The following PARD3B variants were observed in gnomAD, a reference collection of about 807,000 sequenced individuals.
PARD3B encodes partitioning defective 3 homolog B.
PARD3B carries 103 observed loss-of-function variants against 130.2 expected under a neutral mutation model. The ratio of observed to expected loss-of-function variants is 0.79; its 90% CI spans 0.67 to 0.93. PARD3B has a LOEUF of 0.93. PARD3B is among the 40% of genes least tolerant of loss of function. The pLI, the probability that PARD3B is intolerant of heterozygous loss-of-function variation, is 0.00. For missense variants in PARD3B, 1,609 were observed against 1,499.2 expected, an observed-to-expected ratio of 1.07 and a Z score of -1.21; for synonymous variants, 583 against 553.2, an observed-to-expected ratio of 1.05 and a Z score of -0.76.
Position 205,015,939 on chromosome 2 carries a change from A to G in PARD3B, c.395-31642A>G, listed in dbSNP as rs1575561138. Among the ~76,000 whole-genome samples, 1 of 152,056 alleles carries G rather than the reference A, an allele frequency of 6.6e-6. No homozygotes were observed. The highest frequency in any genetic ancestry group is 2.1e-4 in the South Asian group (1 of 4,824). ...CCTACCTAGACCGTTTCTGCACTCCACCTGAGGCCACCACTCCCAACAGTT... is the reference window on the plus strand; with the variant it reads ...CCTACCTAGACCGTTTCTGCACTCCGCCTGAGGCCACCACTCCCAACAGTT... On this transcript the variant is annotated intron_variant, in intron 3 of 22. Coordinates refer to ENST00000406610, the MANE Select transcript of PARD3B (RefSeq NM_001302769.2). The surrounding 1 kb of genome is among the most constrained non-coding windows in gnomAD (Gnocchi z 4.5).
intron 22 of PARD3B, among the ~76,000 whole-genome samples, chr2:205,555,940 C>T (rs1235828179): frequency 6.6e-6 from 1 of 152,166 alleles, no homozygotes; most frequent in African/African-American, 2.4e-5. Flanking sequence ...ATGCAGAAAG[C>T]AGAGGCCAGA....
rs529900801 is a variant in PARD3B, at chr2:205,426,270, A to AC, written c.2742-14100_2742-14099insC. ...AATAATTTTAATACTACTACTACTA[A>AC]TAATAATAATAATAGTAAACTCACA... is the stretch of plus-strand genomic sequence containing the variant. On this transcript the variant is annotated intron_variant, in intron 19 of 22. Coordinates refer to ENST00000406610, the MANE Select transcript of PARD3B (RefSeq NM_001302769.2). 3.4e-3 allele frequency among the ~76,000 whole-genome samples: 518 copies of AC among 150,810 alleles called. 1 individual carries two copies. The highest frequency in any genetic ancestry group is 0.012 in the African/African-American group (500 of 40,944).
intron 16 of PARD3B, among the ~76,000 whole-genome samples, chr2:205,252,846 C>A (rs1350665883): frequency 2.9e-5 from 4 of 138,048 alleles, no homozygotes; most frequent in African/African-American, 5.3e-5. Flanking sequence ...GGACCCCCCC[C>A]CCCCACCAAA....
At chr2:205,132,434 C>T (rs2032087637) in intron 10 of PARD3B, among the ~76,000 whole-genome samples, 1 of 152,098 alleles carries the variant, frequency 6.6e-6, no homozygotes, top group Admixed American at 6.5e-5. Flanking sequence ...CTACTCTCTA[C>T]TCTCATTCCA....
At chr2:205,023,249 T>A (rs1696758561) in intron 3 of PARD3B, among the ~76,000 whole-genome samples, 1 of 152,092 alleles carries the variant, frequency 6.6e-6, no homozygotes, top group Non-Finnish European at 1.5e-5. Flanking sequence ...GAAGGCTTTG[T>A]TTTCAACACC....
chr2:205,494,874 C>A (rs2049866963), intron 20 of PARD3B, among the ~76,000 whole-genome samples: 1 of 152,126 alleles, frequency 6.6e-6, no homozygotes, highest in Non-Finnish European at 1.5e-5. Context: ...TGTAAAATGT[C>A]AACAACAATG....
chr2:205,404,798 G>A lies in PARD3B; in HGVS notation c.2741+3675G>A, dbSNP rs568796802. Among the ~76,000 whole-genome samples, 6 of 152,240 alleles carry A rather than the reference G, an allele frequency of 3.9e-5. No homozygotes were observed. In the South Asian group the frequency reaches 1.2e-3, roughly 32 times the overall value. On this transcript the variant is annotated intron_variant, in intron 19 of 22. Coordinates refer to ENST00000406610, the MANE Select transcript of PARD3B (RefSeq NM_001302769.2). ...CCAAGTGCTGGGTTTACAGGCAGGA[G>A]CCACCATGCCCAGACTGTTGCCATT...
intron 3 of PARD3B, among the ~76,000 whole-genome samples, chr2:205,000,981 TTTTG>T (rs748361224): frequency 7.2e-5 from 11 of 152,180 alleles, no homozygotes; most frequent in East Asian, 3.9e-4. Flanking sequence ...ACGAGGTGTT[TTTTG>T]TTTGTTTGTT....
intron 1 of PARD3B, among the ~76,000 whole-genome samples, chr2:204,607,207 G>A (rs1438789148): frequency 6.6e-6 from 1 of 152,122 alleles, no homozygotes; most frequent in East Asian, 1.9e-4. Context: ...GTTTAAGATG[G>A]TATCCCAAAG....
intron 22 of PARD3B, among the ~76,000 whole-genome samples, chr2:205,609,733 C>T (rs1404345417): frequency 6.6e-6 from 1 of 152,204 alleles, no homozygotes; most frequent in Non-Finnish European, 1.5e-5. Flanking sequence ...CTTTCTGCTG[C>T]ATATCTTATT....
chr2:204,548,486 C>A (rs1036785364), intron 1 of PARD3B, among the ~76,000 whole-genome samples: 1 of 152,098 alleles, frequency 6.6e-6, no homozygotes, highest in Admixed American at 6.6e-5. Context: ...ACAAGTAAGT[C>A]GTAGATTTGG....
intron 2 of PARD3B, among the ~76,000 whole-genome samples, chr2:204,870,744 G>T (rs936086004): frequency 1.3e-5 from 2 of 152,230 alleles, no homozygotes; most frequent in South Asian, 2.1e-4. Context: ...AAATGAGCTG[G>T]TTTTTTAAAG....
intron 2 of PARD3B, among the ~76,000 whole-genome samples, chr2:204,766,969 T>C (rs2041184458): frequency 7.2e-6 from 1 of 139,510 alleles, no homozygotes; most frequent in African/African-American, 2.6e-5. Context: ...CTTTTTCTTT[T>C]TTTTTTTTTT....
At chr2:205,527,982 C>T (rs148821690) in intron 21 of PARD3B, among the ~76,000 whole-genome samples, 1 of 152,272 alleles carries the variant, frequency 6.6e-6, no homozygotes, top group Non-Finnish European at 1.5e-5. Flanking sequence ...TGAGAAGTTA[C>T]TCATGGTCCA....
chr2:205,158,785 C>A lies in PARD3B; in HGVS notation c.1498C>A (p.Pro500Thr), dbSNP rs1278298916. ...AAGCGAGCAGCTCACCTTTGAGATCCCCCTGAATGATTCAGGTTCTGCTGG... is the reference window on the plus strand; with the variant it reads ...AAGCGAGCAGCTCACCTTTGAGATCACCCTGAATGATTCAGGTTCTGCTGG... Reference protein sequence around the residue: ...ETSEQLTFEIPLNDSGSAGLG... With the variant: ...ETSEQLTFEITLNDSGSAGLG... Residue 500 changes from proline to threonine, a missense_variant, in exon 11 of 23, where the codon CCC (proline) becomes ACC (threonine). Pro to Thr is a conservative substitution (Grantham distance 38). Transcript: ENST00000406610. The surrounding 1 kb of genome is among the most constrained non-coding windows in gnomAD (Gnocchi z 5.4). 6.2e-7 allele frequency: 1 copy of A among 1,614,166 alleles called. No homozygotes were observed. Among genetic ancestry groups the A allele is most frequent in the Non-Finnish European group, 8.5e-7 (1 of 1,179,998 alleles).
At chr2:204,600,910 A>G (rs183739637) in intron 1 of PARD3B, among the ~76,000 whole-genome samples, 30 of 151,936 alleles carry the variant, frequency 2.0e-4, no homozygotes, top group Admixed American at 1.4e-3. Flanking sequence ...TTTCTGTCCA[A>G]CTGTTTAGTT....
At chr2:205,433,927 G>A (rs574666754) in intron 19 of PARD3B, among the ~76,000 whole-genome samples, 56 of 152,312 alleles carry the variant, frequency 3.7e-4, no homozygotes, top group African/African-American at 1.3e-3. Flanking sequence ...TGAATTTTAT[G>A]TCTAATTTTT....
At chr2:205,571,035 T>C (rs1481565846) in intron 22 of PARD3B, among the ~76,000 whole-genome samples, 1 of 152,218 alleles carries the variant, frequency 6.6e-6, no homozygotes, top group African/African-American at 2.4e-5. Flanking sequence ...TATTGGAATA[T>C]AGCTGTTCGT....
chr2:205,185,797 G>A lies in PARD3B; in HGVS notation c.1958G>A (p.Ser653Asn). ...CTGCCCAATGACGGATGGGCCGAGA[G>A]TGAAGTTCCACCTTCTCCAACACCA... Reference protein sequence around the residue: ...LLLPNDGWAESEVPPSPTPHS... With the variant: ...LLLPNDGWAENEVPPSPTPHS... The change falls in exon 14 of 23, where the codon AGT (serine) becomes AAT (asparagine). Residue 653 changes from serine to asparagine, a missense_variant. Transcript: ENST00000406610. 1 of 1,614,126 alleles carries A rather than the reference G, an allele frequency of 6.2e-7. No individual in the cohort carries two copies.
Sources: allele counts gnomAD v4.1 joint callset (sites outside exome capture counted in the v4.1 genomes callset), GRCh38; gene constraint gnomAD v4.1.1; non-coding constraint Gnocchi (gnomAD v3.1); transcripts MANE v1.5; gene names NCBI Gene and HGNC (gene_info 2026-07-23, HGNC 2026-07-21).